Variants in ERC2 observed in about 807,000 individuals in gnomAD.
The protein encoded by ERC2 is ERC protein 2.
A neutral mutation model predicts 114.8 loss-of-function variants in ERC2; 42 were observed. That is an observed-to-expected ratio of 0.37 (90% CI 0.29 to 0.47). ERC2 has a LOEUF of 0.47. Ranked by LOEUF, ERC2 falls within the 20% of genes least tolerant of loss-of-function variation. The pLI, the probability that ERC2 is intolerant of heterozygous loss-of-function variation, is 0.99. For synonymous variants in ERC2, 454 were observed against 425.5 expected, an observed-to-expected ratio of 1.07 and a Z score of -0.82; for missense variants, 939 against 1,150.7, an observed-to-expected ratio of 0.82 and a Z score of 2.66.
At chr3:56,208,118 T>C (rs762374304) in intron 3 of ERC2, among the ~76,000 whole-genome samples, 1 of 152,184 alleles carries the variant, frequency 6.6e-6, no homozygotes, top group Non-Finnish European at 1.5e-5. Context: ...CCAGACAATG[T>C]GGGAATAAAC....
Position 56,296,052 on chromosome 3 carries a change from A to T in ERC2, c.1041T>A (p.Asp347Glu). 1 of 1,604,254 alleles carries T rather than the reference A, an allele frequency of 6.2e-7. No homozygotes were observed. Among genetic ancestry groups the T allele is most frequent in the South Asian group, 1.1e-5 (1 of 90,130 alleles). ...GATGTATGTTTTCCTTCTCTTTCTGATCTAAAATCACTTCCAAGTGGCTGA... is the reference window on the plus strand; with the variant it reads ...GATGTATGTTTTCCTTCTCTTTCTGTTCTAAAATCACTTCCAAGTGGCTGA... ...SQVSHLEVIL[D>E]QKEKENIHLR... The change falls in exon 3 of 18, where the codon GAT becomes GAA. Residue 347 changes from aspartate to glutamate, a missense_variant. By Grantham distance (45) the Asp-to-Glu change is conservative. Transcript: ENST00000288221.
chr3:56,003,210 C>A, intron 10 of ERC2: 2 of 1,080,040 alleles, frequency 1.9e-6, no homozygotes, highest in South Asian at 2.8e-5. Flanking sequence ...AGCATTAGCT[C>A]AACAAAATCC....
intron 13 of ERC2, among the ~76,000 whole-genome samples, chr3:55,912,892 C>A (rs2064890303): frequency 1.3e-5 from 2 of 152,140 alleles, no homozygotes; most frequent in African/African-American, 4.8e-5. Flanking sequence ...ACACTGAGGG[C>A]CATTTTTATA....
intron 14 of ERC2, among the ~76,000 whole-genome samples, chr3:55,743,844 C>T (rs2066138716): frequency 1.3e-5 from 2 of 152,072 alleles, no homozygotes; most frequent in Non-Finnish European, 1.5e-5. Flanking sequence ...CTTCAAGTTC[C>T]TCATAAATAA....
chr3:56,230,442 T>C (rs911964382), intron 3 of ERC2, among the ~76,000 whole-genome samples: 10 of 152,110 alleles, frequency 6.6e-5, no homozygotes, highest in Admixed American at 5.2e-4. Context: ...TTGTTTTTTG[T>C]AAAGATGGGG....
chr3:56,250,147 C>T lies in ERC2; in HGVS notation c.1074+45872G>A, dbSNP rs540485825. ...CTGGGATTACAGGCGTGAGCCACCA[C>T]GCCCGGCCATCAAATTTCTTAAATG... is the stretch of plus-strand genomic sequence containing the variant. On this transcript the variant is annotated intron_variant, in intron 3 of 17. Transcript: ENST00000288221. 2.6e-5 allele frequency among the ~76,000 whole-genome samples: 4 copies of T among 152,334 alleles called. No homozygotes were observed. The South Asian group carries it at 8.3e-4, about 32-fold the overall frequency.
intron 13 of ERC2, among the ~76,000 whole-genome samples, chr3:55,929,422 C>G (rs948662912): frequency 6.6e-6 from 1 of 152,196 alleles, no homozygotes; most frequent in African/African-American, 2.4e-5. Context: ...CTAGCCCTGG[C>G]TGAGTTCAAG....
At chr3:56,073,549 A>G (rs760206492) in intron 7 of ERC2, among the ~76,000 whole-genome samples, 2 of 152,162 alleles carry the variant, frequency 1.3e-5, no homozygotes, top group African/African-American at 4.8e-5. Flanking sequence ...TGTGATCCCA[A>G]TCCCTGGGAC....
At chr3:55,970,657 T>C (rs1425258453) in intron 12 of ERC2, among the ~76,000 whole-genome samples, 1 of 151,994 alleles carries the variant, frequency 6.6e-6, no homozygotes, top group African/African-American at 2.4e-5. Context: ...TCATACCCAA[T>C]AGGATGGCTA....
At chr3:55,631,682 T>A (rs1228567033) in intron 17 of ERC2, among the ~76,000 whole-genome samples, 2 of 152,206 alleles carry the variant, frequency 1.3e-5, no homozygotes, top group African/African-American at 4.8e-5. Flanking sequence ...CTTTCCAGAA[T>A]ACTGTGACCA....
chr3:56,342,665 A>C (rs1277601705), intron 2 of ERC2, among the ~76,000 whole-genome samples: 2 of 152,228 alleles, frequency 1.3e-5, no homozygotes, highest in Non-Finnish European at 2.9e-5. Context: ...GAGAACTGTC[A>C]CATGATTCTG....
Position 56,149,068 on chromosome 3 carries a change from T to G in ERC2, c.1214A>C (p.Lys405Thr). Residue 405 changes from lysine (K) to threonine (T), a missense_variant, in exon 5 of 18, where the codon AAA becomes ACA. Coordinates refer to ENST00000288221, the MANE Select transcript of ERC2 (RefSeq NM_015576.3). ...RDLEDEIQML[K>T]ANGVLNTEDR... ...CTCAGTGTTCAGCACACCATTGGCT[T>G]TTAACATCTGGATCTCATCCTCAAG... 6.2e-7 allele frequency: 1 copy of G among 1,613,340 alleles called. No homozygotes were observed. Among genetic ancestry groups the G allele is most frequent in the Non-Finnish European group, 8.5e-7 (1 of 1,179,534 alleles).
chr3:56,038,322 A>G (rs1053669235), intron 7 of ERC2, among the ~76,000 whole-genome samples: 9 of 152,244 alleles, frequency 5.9e-5, no homozygotes, highest in Admixed American at 4.6e-4. Context: ...GCCAACAAAC[A>G]TATGAAAAAA....
chr3:56,349,905 T>A (rs2058484319), intron 2 of ERC2, among the ~76,000 whole-genome samples: 1 of 135,846 alleles, frequency 7.4e-6, no homozygotes, highest in African/African-American at 2.8e-5. Flanking sequence ...ACAGCAAGAC[T>A]CCGTCTCAAA....
chr3:55,827,811 A>C (rs1332396992), intron 14 of ERC2, among the ~76,000 whole-genome samples: 1 of 152,228 alleles, frequency 6.6e-6, no homozygotes, highest in Non-Finnish European at 1.5e-5. Context: ...AATGCCAGTA[A>C]CTGTATGACT....
At chr3:56,205,572 T>C (rs1228163402) in intron 3 of ERC2, among the ~76,000 whole-genome samples, 1 of 152,244 alleles carries the variant, frequency 6.6e-6, no homozygotes, top group Non-Finnish European at 1.5e-5. Flanking sequence ...ATCCAAGGGC[T>C]GTGGTTCAGA....
At chr3:56,227,626 T>C (rs1235225366) in intron 3 of ERC2, among the ~76,000 whole-genome samples, 1 of 152,148 alleles carries the variant, frequency 6.6e-6, no homozygotes, top group Non-Finnish European at 1.5e-5. Context: ...TTCTTGTGCC[T>C]TTGTATTATC....
At chr3:56,134,660 CT>C (rs1394392072) in intron 6 of ERC2, among the ~76,000 whole-genome samples, 2 of 152,094 alleles carry the variant, frequency 1.3e-5, no homozygotes, top group African/African-American at 4.8e-5. Flanking sequence ...GCAGCTGCCA[CT>C]ATGTTGCCCT....
At chr3:56,233,774 G>C (rs760572381) in intron 3 of ERC2, among the ~76,000 whole-genome samples, 3 of 152,148 alleles carry the variant, frequency 2.0e-5, no homozygotes, top group Non-Finnish European at 4.4e-5. Context: ...CCACCTTCTA[G>C]AGGTGGCCCG....
Sources: gnomAD v4.1 joint callset for allele counts (sites outside exome capture counted in the v4.1 genomes callset) on GRCh38, gnomAD v4.1.1 for gene constraint, MANE v1.5 for transcripts, NCBI Gene and HGNC (gene_info 2026-07-23, HGNC 2026-07-21) for gene names.